Variants in CDKL4 observed in about 807,000 individuals in gnomAD.
The protein encoded by CDKL4 is cyclin-dependent kinase-like 4.
CDKL4 carries 44 observed loss-of-function variants against 42.0 expected under a neutral mutation model. That is an observed-to-expected ratio of 1.05 (90% confidence interval 0.82 to 1.35). The LOEUF is 1.35. CDKL4 is among the 40% of genes most tolerant of loss of function. The probability of loss-of-function intolerance (pLI) is 0.00; values close to 1 mark genes in which losing one functional copy is unlikely to be tolerated. For synonymous variants in CDKL4, 120 were observed against 121.6 expected (o/e 0.99, Z 0.09); for missense variants, 393 against 369.9 (o/e 1.06, Z -0.51).
chr2:39,221,513 TTTAAA>T (rs1197158596), intron 3 of CDKL4, among the ~76,000 whole-genome samples: 1 of 152,232 alleles, frequency 6.6e-6, no homozygotes, highest in Non-Finnish European at 1.5e-5. Flanking sequence ...AGATGAATGC[TTTAAA>T]TTAATCATTG....
chr2:39,236,573 G>A (rs1330757773), intron 1 of CDKL4, among the ~76,000 whole-genome samples: 1 of 151,896 alleles, frequency 6.6e-6, no homozygotes. Flanking sequence ...GTATACAAGG[G>A]AACAACAATA....
At chr2:39,174,008 C>A (rs1298419556), downstream of CDKL4, among the ~76,000 whole-genome samples, 1 of 151,110 alleles carries the variant, frequency 6.6e-6, no homozygotes, top group East Asian at 2.0e-4. Flanking sequence ...ATATACAAAT[C>A]TGAAAAGGCA....
intron 3 of CDKL4, among the ~76,000 whole-genome samples, chr2:39,217,591 A>G (rs1678008146): frequency 6.6e-6 from 1 of 152,122 alleles, no homozygotes; most frequent in African/African-American, 2.4e-5. Flanking sequence ...GCTGTTAATA[A>G]CATTTTACTT....
intron 4 of CDKL4, among the ~76,000 whole-genome samples, chr2:39,206,559 G>A (rs927761926): frequency 3.3e-5 from 5 of 152,210 alleles, no homozygotes; most frequent in African/African-American, 1.2e-4. Context: ...TGTTGCGGAG[G>A]TGCTGTGAGA....
rs555582711 is a variant in CDKL4 at position 39,231,464 on chromosome 2, A to C, written c.-56-1876T>G. ...ACCATAAAAATATACAATGGAGAAA[A>C]ATGTTTACCTGGATATAATGACTAC... On this transcript the variant is annotated intron_variant, in intron 1 of 9. Coordinates refer to ENST00000451199, the Ensembl canonical transcript of CDKL4. Among the ~76,000 whole-genome samples, 4 of 152,332 alleles carry C rather than the reference A, an allele frequency of 2.6e-5. No homozygotes were observed. The South Asian group carries it at 8.3e-4, about 32-fold the overall frequency.
intron 8 of CDKL4, among the ~76,000 whole-genome samples, chr2:39,180,273 A>T (rs1043807396): frequency 1.3e-5 from 2 of 152,248 alleles, no homozygotes; most frequent in Non-Finnish European, 2.9e-5. Flanking sequence ...ACGACCTGAC[A>T]ATTATTGCCT....
chr2:39,245,456 C>A (rs1166172306), upstream of CDKL4, among the ~76,000 whole-genome samples: 1 of 152,146 alleles, frequency 6.6e-6, no homozygotes. Flanking sequence ...TAACACTCAC[C>A]GCGAGGGTCC....
intron 7 of CDKL4, among the ~76,000 whole-genome samples, chr2:39,185,957 T>G (rs1200631211): frequency 6.6e-6 from 1 of 152,130 alleles, no homozygotes; most frequent in Non-Finnish European, 1.5e-5. Flanking sequence ...CTTCTAAGGA[T>G]GCTTTTGAGT....
chr2:39,193,128 T>TA (rs747083150), intron 5 of CDKL4, among the ~76,000 whole-genome samples: 3,342 of 83,400 alleles, frequency 0.04, 77 homozygotes, highest in African/African-American at 0.07. Flanking sequence ...ACTCCATCTC[T>TA]AAAAAAAAAA....
chr2:39,239,383 C>T lies in CDKL4; in HGVS notation c.-57+4488G>A, dbSNP rs11891744. On this transcript the variant is annotated intron_variant, in intron 1 of 9. Transcript: ENST00000451199. Reference sequence around the variant, plus strand: ...AATTTATCAACATTAAAATCTTTTGCTCCTCAAAAAATTTCCCCATTAAGA... The same window carrying T: ...AATTTATCAACATTAAAATCTTTTGTTCCTCAAAAAATTTCCCCATTAAGA... 8.6e-3 allele frequency among the ~76,000 whole-genome samples: 1,314 copies of T among 152,172 alleles called. 22 individuals are homozygous for T. The highest frequency in any genetic ancestry group is 0.03 in the African/African-American group (1,226 of 41,530).
the CDKL4 span, among the ~76,000 whole-genome samples, chr2:39,168,763 TG>T: frequency 6.6e-6 from 1 of 150,954 alleles, no homozygotes; most frequent in Non-Finnish European, 1.5e-5. Flanking sequence ...TTTTTTTGTT[TG>T]TTTGTTTTTT....
At chr2:39,222,898 A>G (rs1172881506) in intron 3 of CDKL4, among the ~76,000 whole-genome samples, 3 of 152,196 alleles carry the variant, frequency 2.0e-5, no homozygotes, top group East Asian at 3.8e-4. Context: ...GTCAACATAC[A>G]ACATCCTATT....
downstream of CDKL4, among the ~76,000 whole-genome samples, chr2:39,173,998 A>G (rs1675071885): frequency 6.6e-6 from 1 of 151,440 alleles, no homozygotes; most frequent in African/African-American, 2.4e-5. Flanking sequence ...AAAGCAAGAA[A>G]TATACAAATC....
intron 4 of CDKL4, among the ~76,000 whole-genome samples, chr2:39,209,317 G>GA (rs11372337): frequency 0.82 from 113,002 of 137,206 alleles, 46,840 homozygotes; most frequent in Non-Finnish European, 0.91. Context: ...GTCTCAGGAA[G>GA]AAAAAAAAAA....
chr2:39,209,624 A>G (rs1008945399), intron 4 of CDKL4, among the ~76,000 whole-genome samples: 5 of 152,208 alleles, frequency 3.3e-5, no homozygotes, highest in African/African-American at 1.2e-4. Flanking sequence ...GGTGATCTCT[A>G]TGAACCATAG....
At position 39,223,669 on chromosome 2, in the gene CDKL4, G is replaced by A. The variant is rs896451015; in HGVS notation, c.290+2170C>T. On this transcript the variant is annotated intron_variant, in intron 3 of 9. Coordinates refer to ENST00000451199, the Ensembl canonical transcript of CDKL4. ...ACTCTGTTACCCAGGTTAGAGTGCAGTGGCATGATCTCTGCTCACTGCAGC... is the reference window on the plus strand; with the variant it reads ...ACTCTGTTACCCAGGTTAGAGTGCAATGGCATGATCTCTGCTCACTGCAGC... Among the ~76,000 whole-genome samples, 6 of 146,240 alleles carry A rather than the reference G, an allele frequency of 4.1e-5. No homozygotes were observed. In the East Asian group the frequency reaches 1.2e-3, roughly 30 times the overall value.
At chr2:39,225,478 T>C (rs895956259) in intron 3 of CDKL4, among the ~76,000 whole-genome samples, 2 of 152,160 alleles carry the variant, frequency 1.3e-5, no homozygotes, top group African/African-American at 4.8e-5. Context: ...GTTGAATTTA[T>C]CAACATTTCA....
chr2:39,177,283 G>A (rs1201043537), intron 9 of CDKL4, among the ~76,000 whole-genome samples: 7 of 152,080 alleles, frequency 4.6e-5, no homozygotes, highest in South Asian at 2.1e-4. Flanking sequence ...CCGTCGAGGC[G>A]AGGCAAGGCA....
intron 1 of CDKL4, among the ~76,000 whole-genome samples, chr2:39,239,065 A>G (rs1396299683): frequency 1.3e-5 from 2 of 152,184 alleles, no homozygotes; most frequent in African/African-American, 2.4e-5. Context: ...CTGACTTTTG[A>G]CAAAGTTGCT....
Sources: gnomAD v4.1 joint callset for allele counts (sites outside exome capture counted in the v4.1 genomes callset) on GRCh38, gnomAD v4.1.1 for gene constraint, MANE v1.5 for transcripts, NCBI Gene and HGNC (gene_info 2026-07-23, HGNC 2026-07-21) for gene names.